Variants in ULK4 observed in about 807,000 individuals in gnomAD.
ULK4 encodes inactive serine/threonine-protein kinase ULK4.
A neutral mutation model predicts 160.6 loss-of-function variants in ULK4; 133 were observed. The observed-to-expected ratio is 0.83, with a 90% CI of 0.72 to 0.96. The LOEUF is 0.96. Ranked by LOEUF, ULK4 falls within the 40% of genes least tolerant of loss-of-function variation. The pLI is 0.00. For synonymous variants in ULK4, 534 were observed against 539.8 expected (o/e 0.99, Z 0.15); for missense variants, 1,580 against 1,499.5 (o/e 1.05, Z -0.89).
chr3:41,666,154 T>C (rs1308998497), intron 29 of ULK4, among the ~76,000 whole-genome samples: 1 of 152,166 alleles, frequency 6.6e-6, no homozygotes, highest in African/African-American at 2.4e-5. Context: ...GGGTTTTTAT[T>C]GGAGGTTGGT....
intron 35 of ULK4, among the ~76,000 whole-genome samples, chr3:41,302,844 CTA>C (rs2079826927): frequency 6.6e-6 from 1 of 152,054 alleles, no homozygotes; most frequent in Non-Finnish European, 1.5e-5. Context: ...ATCGTTGGCT[CTA>C]TATATGTCAA....
At chr3:41,506,767 A>AAAAAAAAAAAAAAAAAAATATAAAT in intron 32 of ULK4, among the ~76,000 whole-genome samples, 6 of 56,760 alleles carry the variant, frequency 1.1e-4, no homozygotes, top group Admixed American at 2.2e-4. Context: ...TGTGATTTAA[A>AAAAAAAAAAAAAAAAAAATATAAAT]ATATATATAT....
At chr3:41,318,008 T>C (rs1476229868) in intron 35 of ULK4, among the ~76,000 whole-genome samples, 1 of 152,212 alleles carries the variant, frequency 6.6e-6, no homozygotes, top group African/African-American at 2.4e-5. Flanking sequence ...ATTGACCCTT[T>C]AAACTAATCG....
chr3:41,590,023 GAC>G (rs2031159225), intron 31 of ULK4, among the ~76,000 whole-genome samples: 1 of 150,988 alleles, frequency 6.6e-6, no homozygotes. Context: ...TTTTTTTTAA[GAC>G]AGAGTTTCTC....
intron 16 of ULK4, among the ~76,000 whole-genome samples, chr3:41,884,173 C>A (rs1697632945): frequency 6.6e-6 from 1 of 152,082 alleles, no homozygotes; most frequent in Admixed American, 6.5e-5. Flanking sequence ...TGCAATACTG[C>A]AACAGCGACA....
chr3:41,434,764 T>C (rs1445821513), intron 34 of ULK4, among the ~76,000 whole-genome samples: 2 of 152,250 alleles, frequency 1.3e-5, no homozygotes, highest in Non-Finnish European at 2.9e-5. Context: ...AGTCCCAGCA[T>C]ATAAATATAT....
chr3:41,360,354 G>A (rs572779439), intron 35 of ULK4, among the ~76,000 whole-genome samples: 123 of 152,332 alleles, frequency 8.1e-4, no homozygotes, highest in Middle Eastern at 6.8e-3. Flanking sequence ...GGAAGACAGC[G>A]TAGCAATTCC....
chr3:41,699,095 A>G (rs2036589034), intron 27 of ULK4, among the ~76,000 whole-genome samples: 1 of 152,142 alleles, frequency 6.6e-6, no homozygotes, highest in Non-Finnish European at 1.5e-5. Flanking sequence ...GCTCATTTCT[A>G]TTGAATATAT....
intron 35 of ULK4, among the ~76,000 whole-genome samples, chr3:41,365,346 G>A (rs1349118428): frequency 2.0e-5 from 3 of 152,142 alleles, no homozygotes; most frequent in Admixed American, 6.5e-5. Context: ...AAGCAAATAC[G>A]AAATAGTCTC....
intron 32 of ULK4, among the ~76,000 whole-genome samples, chr3:41,506,606 C>T (rs1293295460): frequency 1.3e-5 from 2 of 151,070 alleles, no homozygotes; most frequent in African/African-American, 4.9e-5. Flanking sequence ...ACAAATTTAA[C>T]ATCAACTTCT....
At chr3:41,525,069 A>G (rs913529708) in intron 32 of ULK4, among the ~76,000 whole-genome samples, 3 of 152,324 alleles carry the variant, frequency 2.0e-5, no homozygotes, top group Non-Finnish European at 4.4e-5. Context: ...ACAGGGTCCA[A>G]ATAAATATTT....
At position 41,891,762 on chromosome 3, in the gene ULK4, G is replaced by A. The variant is rs1440452008; in HGVS notation, c.1577+3756C>T. Among the ~76,000 whole-genome samples the A allele has an allele frequency of 1.6e-4, 24 of 152,136 alleles. No individual in the cohort carries two copies. The South Asian group carries it at 2.3e-3, about 14-fold the overall frequency. ...CTCTACAAAAATACAAAAATTAGCC[G>A]GGCATGATGGCAGGTGCCTATAATC... is the stretch of plus-strand genomic sequence containing the variant. On this transcript the variant is annotated intron_variant, in intron 16 of 36. Coordinates refer to ENST00000301831, the MANE Select transcript of ULK4 (RefSeq NM_017886.4).
At chr3:41,898,600 A>C (rs1480863025) in intron 13 of ULK4, 108 bp from the exon 14 acceptor site, 9 of 659,926 alleles carry the variant, frequency 1.4e-5, no homozygotes, top group Non-Finnish European at 2.3e-5. Context: ...CAAAAAAAGA[A>C]TGTGCAAAAT....
chr3:41,873,274 C>A (rs1697179259), intron 17 of ULK4, among the ~76,000 whole-genome samples: 1 of 146,846 alleles, frequency 6.8e-6, no homozygotes, highest in Admixed American at 6.8e-5. Context: ...AAAGGATAGC[C>A]TTCCAAGGCT....
At chr3:41,549,177 T>C (rs1315702925) in intron 32 of ULK4, among the ~76,000 whole-genome samples, 1 of 152,140 alleles carries the variant, frequency 6.6e-6, no homozygotes, top group African/African-American at 2.4e-5. Flanking sequence ...AACACAATAA[T>C]TGTCTAGTAA....
Position 41,946,891 on chromosome 3 carries a change from T to C in ULK4, c.138+7731A>G, listed in dbSNP as rs532701212. 1.8e-4 allele frequency among the ~76,000 whole-genome samples: 27 copies of C among 152,298 alleles called. 1 individual carries two copies. In the South Asian group the frequency reaches 5.6e-3, roughly 32 times the overall value. ...AATTTCTCCCACAGTGGCCCTACTGTGGTCTTTGAAAAATCTCTATTAGTC... is the reference window on the plus strand; with the variant it reads ...AATTTCTCCCACAGTGGCCCTACTGCGGTCTTTGAAAAATCTCTATTAGTC... On this transcript the variant is annotated intron_variant, in intron 2 of 36. Transcript: ENST00000301831.
At chr3:41,787,249 A>C (rs748838236) in intron 21 of ULK4, among the ~76,000 whole-genome samples, 1 of 151,966 alleles carries the variant, frequency 6.6e-6, no homozygotes, top group Non-Finnish European at 1.5e-5. Flanking sequence ...TTTCATCCCA[A>C]CCCAACGACA....
At chr3:41,741,033 A>G (rs1340053077) in intron 22 of ULK4, among the ~76,000 whole-genome samples, 3 of 151,938 alleles carry the variant, frequency 2.0e-5, no homozygotes, top group African/African-American at 4.9e-5. Flanking sequence ...ATTTAATCTA[A>G]AAGTCTAAAA....
intron 35 of ULK4, among the ~76,000 whole-genome samples, chr3:41,265,177 T>TA (rs1408550705): frequency 3.3e-5 from 5 of 152,160 alleles, no homozygotes; most frequent in African/African-American, 1.2e-4. Flanking sequence ...GGAGGGCAGG[T>TA]AGGGGACCAT....
Sources: allele counts gnomAD v4.1 joint callset (sites outside exome capture counted in the v4.1 genomes callset), GRCh38; gene constraint gnomAD v4.1.1; transcripts MANE v1.5; gene names NCBI Gene and HGNC (gene_info 2026-07-23, HGNC 2026-07-21).